Variants in EDARADD observed in about 807,000 individuals in gnomAD.
EDARADD encodes the protein EDAR associated via death domain.
A neutral mutation model predicts 25.6 loss-of-function variants in EDARADD; 20 were observed. That is an observed-to-expected ratio of 0.78 (90% confidence interval 0.55 to 1.14). EDARADD has a LOEUF of 1.14. EDARADD is among the 50% of genes most tolerant of loss of function. The probability of loss-of-function intolerance (pLI) is 0.00; values close to 1 mark genes in which losing one functional copy is unlikely to be tolerated. For synonymous variants in EDARADD, 86 were observed against 94.4 expected, an observed-to-expected ratio of 0.91 and a Z score of 0.52; for missense variants, 225 against 270.1, an observed-to-expected ratio of 0.83 and a Z score of 1.17.
At chr1:236,420,056 C>G (rs182752595) in intron 3 of EDARADD, among the ~76,000 whole-genome samples, 2 of 152,078 alleles carry the variant, frequency 1.3e-5, no homozygotes, top group Non-Finnish European at 2.9e-5. Flanking sequence ...GGTGGTGGCA[C>G]GCACCTGTAA....
rs115806514 is a variant in EDARADD at position 236,446,285 on chromosome 1, C to T, written c.219+18835C>T. ...AGTTCAGTATTTTTCAAACTTTAGA[C>T]GATAACATAGATTAGAAAGTCATAA... is the stretch of plus-strand genomic sequence containing the variant. On this transcript the variant is annotated intron_variant, in intron 4 of 5. Transcript: ENST00000334232. Among the ~76,000 whole-genome samples, 1,037 of 152,146 alleles carry T rather than the reference C, an allele frequency of 6.8e-3. 7 individuals are homozygous for T. The highest frequency in any genetic ancestry group is 9.6e-3 in the Non-Finnish European group (651 of 68,012).
intron 1 of EDARADD, among the ~76,000 whole-genome samples, chr1:236,408,857 G>A (rs1002210283): frequency 1.3e-5 from 2 of 151,874 alleles, no homozygotes; most frequent in East Asian, 1.9e-4. Flanking sequence ...GGGCTCAAGC[G>A]ATTCTCCTCC....
intron 1 of EDARADD, among the ~76,000 whole-genome samples, chr1:236,397,266 C>T (rs536591579): frequency 2.0e-5 from 3 of 152,018 alleles, no homozygotes; most frequent in African/African-American, 7.2e-5. Context: ...AAAAATTAGC[C>T]AAATGTGCCA....
chr1:236,421,461 G>C lies in EDARADD; in HGVS notation c.161-5931G>C, dbSNP rs1657782066. ...GGAGCAGAGTGGGAAGGAGACTTGTGGTTAGGCCATTCAAGACCTTCCCAG... is the reference window on the plus strand; with the variant it reads ...GGAGCAGAGTGGGAAGGAGACTTGTCGTTAGGCCATTCAAGACCTTCCCAG... On this transcript the variant is annotated intron_variant, in intron 3 of 5. Coordinates refer to ENST00000334232, the MANE Select transcript of EDARADD (RefSeq NM_145861.4). 1.4e-5 allele frequency among the ~76,000 whole-genome samples: 2 copies of C among 141,036 alleles called. 1 individual carries two copies. The highest frequency in any genetic ancestry group is 3.1e-5 in the Non-Finnish European group (2 of 64,624). The allele number at this position is 141,036 out of a possible 152,430, so 92.5% of individuals were successfully genotyped here. A position where few individuals can be genotyped will look rare whatever the true frequency, so the allele number is the denominator to read the frequency against.
chr1:236,404,820 C>T (rs574256091), intron 1 of EDARADD, among the ~76,000 whole-genome samples: 25 of 150,722 alleles, frequency 1.7e-4, no homozygotes, highest in Admixed American at 6.6e-4. Context: ...ATGTCTGGCG[C>T]GGTGGCTCAC....
chr1:236,425,225 CTG>C (rs1338757641), intron 3 of EDARADD, among the ~76,000 whole-genome samples: 4 of 152,238 alleles, frequency 2.6e-5, no homozygotes, highest in African/African-American at 9.6e-5. Context: ...GCCAGGGGCT[CTG>C]TGCCGAGAGA....
At chr1:236,409,108 C>A in intron 1 of EDARADD, 108 bp from the exon 2 acceptor site, 3 of 601,684 alleles carry the variant, frequency 5.0e-6, no homozygotes, top group East Asian at 3.0e-5. Flanking sequence ...TTTCTTCAGC[C>A]TAAGTAAAAT....
chr1:236,381,800 G>GGTTTTTTTTT (rs1558105353), intron 3 of EDARADD, among the ~76,000 whole-genome samples: 1 of 16,940 alleles, frequency 5.9e-5, no homozygotes, highest in Non-Finnish European at 1.3e-4. Flanking sequence ...TCCTGTGGTT[G>GGTTTTTTTTT]CTTTTTTTTT....
chr1:236,403,587 T>C (rs1667655326), intron 1 of EDARADD, among the ~76,000 whole-genome samples: 1 of 152,200 alleles, frequency 6.6e-6, no homozygotes, highest in South Asian at 2.1e-4. Context: ...ACGCCCAGCC[T>C]AGAGCTTTGA....
intron 1 of EDARADD, 69 bp downstream of exon 1, chr1:236,394,574 C>A: frequency 1.4e-6 from 2 of 1,442,126 alleles, no homozygotes; most frequent in Non-Finnish European, 1.9e-6. Flanking sequence ...TGCTTATTTA[C>A]GATAATTCTT....
chr1:236,441,546 T>C (rs953894060), intron 4 of EDARADD, among the ~76,000 whole-genome samples: 1 of 149,080 alleles, frequency 6.7e-6, no homozygotes, highest in South Asian at 2.1e-4. Context: ...TTTTTTGAGA[T>C]GGAGTCTCAC....
intron 1 of EDARADD, among the ~76,000 whole-genome samples, chr1:236,399,353 TG>T (rs1361590602): frequency 6.6e-6 from 1 of 152,114 alleles, no homozygotes; most frequent in African/African-American, 2.4e-5. Context: ...GGCTAATTTT[TG>T]TATTTCTTTT....
intron 5 of EDARADD, 107 bp downstream of exon 5, chr1:236,468,383 G>C: frequency 8.3e-7 from 1 of 1,204,660 alleles, no homozygotes. Context: ...CAGCACTTTG[G>C]GAGGCCAAGG....
In EDARADD at chr1:236,482,646, C is replaced by T; in HGVS notation, c.645C>T (p.Phe215=). The change falls in exon 6 of 6, where the codon TTC becomes TTT. Residue 215 remains phenylalanine (F), a synonymous_variant. Coordinates refer to ENST00000334232, the MANE Select transcript of EDARADD (RefSeq NM_145861.4). Reference sequence around the variant, plus strand: ...AGCGTGGAGACCCCTCCAGGCACTTCTAGAGCTCTTCTTCTTCCTTCATTG... The same window carrying T: ...AGCGTGGAGACCCCTCCAGGCACTTTTAGAGCTCTTCTTCTTCCTTCATTG... The part of the protein sequence containing the change: ...KRERGDPSRH[F] The T allele has an allele frequency of 6.2e-7, 1 of 1,611,762 alleles. No homozygotes were observed. Among genetic ancestry groups the T allele is most frequent in the Non-Finnish European group, 8.5e-7 (1 of 1,180,020 alleles).
At chr1:236,380,940 A>C (rs1202051447) in intron 3 of EDARADD, among the ~76,000 whole-genome samples, 2 of 152,190 alleles carry the variant, frequency 1.3e-5, no homozygotes, top group Non-Finnish European at 2.9e-5. Flanking sequence ...AATCAACTGC[A>C]CATATGTCAA....
At position 236,465,359 on chromosome 1, in the gene EDARADD, T is replaced by G. The variant is rs539510183; in HGVS notation, c.220-2872T>G. ...GGACAGGCCCCAGTGTATTCACCTGTCTCATCTCCTTCTTTTCGTTTTGTT... is the reference window on the plus strand; with the variant it reads ...GGACAGGCCCCAGTGTATTCACCTGGCTCATCTCCTTCTTTTCGTTTTGTT... On this transcript the variant is annotated intron_variant, in intron 4 of 5. Transcript: ENST00000334232. Among the ~76,000 whole-genome samples, 6 of 152,282 alleles carry G rather than the reference T, an allele frequency of 3.9e-5. No homozygotes were observed. In the South Asian group the frequency reaches 1.0e-3, roughly 26 times the overall value.
chr1:236,406,018 G>A (rs1187727529), intron 1 of EDARADD, among the ~76,000 whole-genome samples: 2 of 150,056 alleles, frequency 1.3e-5, no homozygotes, highest in Non-Finnish European at 3.0e-5. Context: ...GCAGAGGATG[G>A]TGTCAGAGCA....
chr1:236,348,317 T>C (rs903368972), intron 1 of EDARADD: 2 of 152,302 alleles, frequency 1.3e-5, no homozygotes, highest in African/African-American at 4.8e-5. Flanking sequence ...GGGAGCCAGT[T>C]GGGGAAACTC....
chr1:236,417,612 G>A (rs1217849475), intron 3 of EDARADD, among the ~76,000 whole-genome samples: 3 of 152,112 alleles, frequency 2.0e-5, no homozygotes, highest in South Asian at 2.1e-4. Context: ...TTTTCTGATG[G>A]CTGTTCTGTG....
Sources: allele counts gnomAD v4.1 joint callset (sites outside exome capture counted in the v4.1 genomes callset), GRCh38; gene constraint gnomAD v4.1.1; transcripts MANE v1.5; gene names NCBI Gene and HGNC (gene_info 2026-07-23, HGNC 2026-07-21).